RYR2: variants seen among roughly 807,000 people sequenced by gnomAD.
The protein encoded by RYR2 is ryanodine receptor 2.
RYR2 carries 227 observed loss-of-function variants against 601.1 expected under a neutral mutation model. That is an observed-to-expected ratio of 0.38 (90% CI 0.34 to 0.42). The LOEUF (loss-of-function observed/expected upper bound fraction) is 0.42. Among genes scored for constraint, RYR2 ranks in the 10% least tolerant of loss-of-function variants. The pLI, the probability that RYR2 is intolerant of heterozygous loss-of-function variation, is 1.00. For missense variants in RYR2, 4,646 were observed against 6,156.5 expected, an observed-to-expected ratio of 0.75 and a Z score of 8.21; for synonymous variants, 2,223 against 2,175.1, an observed-to-expected ratio of 1.02 and a Z score of -0.61.
rs578181201 is a variant in RYR2, at chr1:237,738,293, A to C, written c.11092-4003A>C. Among the ~76,000 whole-genome samples the C allele has an allele frequency of 2.0e-5, 3 of 152,316 alleles. No individual in the cohort carries two copies. In the East Asian group the frequency reaches 5.8e-4, roughly 29 times the overall value. On this transcript the variant is annotated intron_variant, in intron 79 of 104. Transcript: ENST00000366574. ...TTGGGTTAATGATAACTCTGAATTC[A>C]TGATACACAGTCACTGTTAGTCCAC...
chr1:237,065,194 C>T (rs1054283864), intron 1 of RYR2, among the ~76,000 whole-genome samples: 11 of 150,878 alleles, frequency 7.3e-5, no homozygotes, highest in African/African-American at 2.7e-4. Context: ...ATTTTATCAC[C>T]CATAGATTCA....
At chr1:237,250,052 C>T (rs17627064) in intron 1 of RYR2, among the ~76,000 whole-genome samples, 6,961 of 152,210 alleles carry the variant, frequency 0.046, 183 homozygotes, top group African/African-American at 0.061. Flanking sequence ...CAACTTAGAA[C>T]GGTCTTTCTT....
rs1703085144 is a variant in RYR2 at position 237,398,830 on chromosome 1, T to C, written c.773+10647T>C. On this transcript the variant is annotated intron_variant, in intron 10 of 104. Transcript: ENST00000366574. ...AACTTTATTTGTAATAATCGAAACATGGAATCAGCTGTGGTATGTCCATAG... is the reference window on the plus strand; with the variant it reads ...AACTTTATTTGTAATAATCGAAACACGGAATCAGCTGTGGTATGTCCATAG... 3.3e-5 allele frequency among the ~76,000 whole-genome samples: 5 copies of C among 151,616 alleles called. No individual in the cohort carries two copies. In the South Asian group the frequency reaches 1.0e-3, roughly 31 times the overall value.
intron 18 of RYR2, among the ~76,000 whole-genome samples, chr1:237,492,280 C>T (rs960275357): frequency 4.9e-4 from 74 of 152,326 alleles, no homozygotes; most frequent in African/African-American, 1.6e-3. Flanking sequence ...GATCCACCTG[C>T]CTTGGCCTCC....
At chr1:237,162,326 A>G (rs931361291) in intron 1 of RYR2, among the ~76,000 whole-genome samples, 2 of 152,242 alleles carry the variant, frequency 1.3e-5, no homozygotes, top group East Asian at 3.9e-4. Context: ...ACATAATTAC[A>G]TAAGTCATCA....
intron 80 of RYR2, among the ~76,000 whole-genome samples, chr1:237,746,517 C>T (rs1359441274): frequency 6.6e-6 from 1 of 152,076 alleles, no homozygotes; most frequent in Non-Finnish European, 1.5e-5. Context: ...GATTTGCCAG[C>T]TCTTTTCTTC....
intron 17 of RYR2, among the ~76,000 whole-genome samples, chr1:237,482,290 G>A (rs1250806319): frequency 6.6e-6 from 1 of 151,906 alleles, no homozygotes; most frequent in Non-Finnish European, 1.5e-5. Context: ...CTAGTAGTAG[G>A]TCTTACTCAT....
At chr1:237,552,648 TATATGTAG>T (rs1164172270) in intron 27 of RYR2, among the ~76,000 whole-genome samples, 1 of 152,028 alleles carries the variant, frequency 6.6e-6, no homozygotes, top group Non-Finnish European at 1.5e-5. Flanking sequence ...GTGTATTTTT[TATATGTAG>T]TTTCTTTTGT....
In RYR2 at chr1:237,590,867, T is replaced by G. The variant is rs1476341923; in HGVS notation, c.4035T>G (p.Val1345=). 1 of 1,613,720 alleles carries G rather than the reference T, an allele frequency of 6.2e-7. No homozygotes were observed. Among genetic ancestry groups the G allele is most frequent in the Non-Finnish European group, 8.5e-7 (1 of 1,179,864 alleles). Residue 1345 remains valine (V), a synonymous_variant, in exon 31 of 105, where the codon GTT becomes GTG. Coordinates refer to ENST00000366574, the MANE Select transcript of RYR2 (RefSeq NM_001035.3). ...EDYDADSDFE[V]LMKTAHGHLV... Reference sequence around the variant, plus strand: ...ATGATGCTGATTCTGACTTTGAGGTTCTGATGAAGACAGCTCATGGCCATC... The same window carrying G: ...ATGATGCTGATTCTGACTTTGAGGTGCTGATGAAGACAGCTCATGGCCATC...
intron 25 of RYR2, among the ~76,000 whole-genome samples, chr1:237,531,519 A>T (rs1668137884): frequency 1.3e-5 from 2 of 152,200 alleles, no homozygotes; most frequent in Non-Finnish European, 2.9e-5. Context: ...GCATCGAGAT[A>T]TAATCAAAGT....
chr1:237,254,024 C>T (rs1439695814), intron 1 of RYR2, among the ~76,000 whole-genome samples: 1 of 152,172 alleles, frequency 6.6e-6, no homozygotes, highest in Non-Finnish European at 1.5e-5. Flanking sequence ...TCCATACACA[C>T]AGAGCTATGA....
chr1:237,261,312 A>T (rs1170239611), intron 1 of RYR2, among the ~76,000 whole-genome samples: 2 of 152,118 alleles, frequency 1.3e-5, no homozygotes, highest in African/African-American at 2.4e-5. Flanking sequence ...TTAGTACATG[A>T]CCCAGTGGCT....
chr1:237,112,834 C>T (rs540044060), intron 1 of RYR2, among the ~76,000 whole-genome samples: 1 of 152,206 alleles, frequency 6.6e-6, no homozygotes, highest in Admixed American at 6.5e-5. Flanking sequence ...GGTTTATGCT[C>T]CATCATGTAA....
At chr1:237,760,839 G>A in intron 83 of RYR2, 116 bp from the exon 84 acceptor site, 1 of 702,074 alleles carries the variant, frequency 1.4e-6, no homozygotes, top group Non-Finnish European at 2.5e-6. Context: ...TGTTTTCAGT[G>A]TACGTTAACA....
chr1:237,187,283 G>C (rs1044081689), intron 1 of RYR2, among the ~76,000 whole-genome samples: 13 of 150,746 alleles, frequency 8.6e-5, no homozygotes, highest in African/African-American at 3.2e-4. Flanking sequence ...TGATTCTCCT[G>C]TGTCAGCCTC....
At chr1:237,805,720 A>G (rs1660565428) in intron 98 of RYR2, among the ~76,000 whole-genome samples, 1 of 148,158 alleles carries the variant, frequency 6.7e-6, no homozygotes, top group Non-Finnish European at 1.5e-5. Context: ...TGATATTTTG[A>G]TAAATATAAT....
At chr1:237,703,646 G>T (rs1383579045) in intron 66 of RYR2, among the ~76,000 whole-genome samples, 1 of 147,922 alleles carries the variant, frequency 6.8e-6, no homozygotes, top group Non-Finnish European at 1.5e-5. Context: ...TATACAGATA[G>T]CATTTTATGA....
At chr1:237,535,947 G>A (rs1213644894) in intron 25 of RYR2, among the ~76,000 whole-genome samples, 2 of 152,022 alleles carry the variant, frequency 1.3e-5, no homozygotes, top group Non-Finnish European at 2.9e-5. Flanking sequence ...CTAACAAGGG[G>A]CAACAGAAAC....
intron 1 of RYR2, among the ~76,000 whole-genome samples, chr1:237,141,049 A>G (rs1673333230): frequency 6.6e-6 from 1 of 152,234 alleles, no homozygotes; most frequent in Non-Finnish European, 1.5e-5. Flanking sequence ...TCTGCAATGC[A>G]CAATCTTGTA....
Sources: allele counts gnomAD v4.1 joint callset (sites outside exome capture counted in the v4.1 genomes callset), GRCh38; gene constraint gnomAD v4.1.1; transcripts MANE v1.5; gene names NCBI Gene and HGNC (gene_info 2026-07-23, HGNC 2026-07-21).